M1AP: variants seen among roughly 807,000 people sequenced by gnomAD.
The protein encoded by M1AP is meiosis 1 associated protein, also known as meiosis 1 arrest protein.
M1AP carries 39 observed loss-of-function variants against 51.2 expected under a neutral mutation model. The observed-to-expected ratio is 0.76, with a 90% confidence interval of 0.59 to 1.00. M1AP has a LOEUF of 1.00. Among genes scored for constraint, M1AP ranks in the 50% least tolerant of loss-of-function variants. M1AP has a pLI of 0.00. For synonymous variants in M1AP, 251 were observed against 249.2 expected (o/e 1.01, Z -0.07); for missense variants, 545 against 641.2 (o/e 0.85, Z 1.62).
intron 3 of M1AP, 63 bp downstream of exon 3, chr2:74,614,901 C>A: frequency 7.0e-7 from 1 of 1,422,504 alleles, no homozygotes. Flanking sequence ...AGATGATAAA[C>A]AATGACCTAT....
At chr2:74,607,369 T>A in intron 3 of M1AP, 146 bp from the exon 4 acceptor site, 2 of 754,408 alleles carry the variant, frequency 2.7e-6, no homozygotes, top group Non-Finnish European at 4.3e-6. Flanking sequence ...GGCTGTAACT[T>A]AAAATCAAAT....
intron 2 of M1AP, among the ~76,000 whole-genome samples, chr2:74,617,463 C>T (rs545545943): frequency 6.6e-6 from 1 of 152,058 alleles, no homozygotes; most frequent in Non-Finnish European, 1.5e-5. Flanking sequence ...CTTATAAGTG[C>T]GAGCTAAATG....
chr2:74,602,554 T>G (rs1291959982), intron 4 of M1AP, among the ~76,000 whole-genome samples: 2 of 152,186 alleles, frequency 1.3e-5, no homozygotes, highest in Non-Finnish European at 2.9e-5. Context: ...GCTAGAAAGT[T>G]ATAGAAACTG....
At chr2:74,569,741 T>C (rs1678610805) in intron 7 of M1AP, among the ~76,000 whole-genome samples, 1 of 152,086 alleles carries the variant, frequency 6.6e-6, no homozygotes, top group South Asian at 2.1e-4. Context: ...GTATTTTAAA[T>C]AGGTAGAAAG....
intron 4 of M1AP, among the ~76,000 whole-genome samples, chr2:74,582,519 G>C (rs1404038900): frequency 6.6e-6 from 1 of 152,100 alleles, no homozygotes; most frequent in Non-Finnish European, 1.5e-5. Flanking sequence ...CTGTAGAACA[G>C]ATATAACATG....
At chr2:74,636,683 G>C (rs923762914) in intron 2 of M1AP, among the ~76,000 whole-genome samples, 2 of 151,912 alleles carry the variant, frequency 1.3e-5, no homozygotes, top group African/African-American at 4.8e-5. Context: ...AGAGTCAACT[G>C]GTGTCAACAT....
At chr2:74,628,858 A>AT (rs977400628) in intron 2 of M1AP, 12 of 439,590 alleles carry the variant, frequency 2.7e-5, no homozygotes, top group Non-Finnish European at 5.0e-5. Context: ...TGATTTTTGG[A>AT]TTTTTTTGGT....
At chr2:74,582,721 G>T (rs1306715816) in intron 4 of M1AP, among the ~76,000 whole-genome samples, 5 of 151,960 alleles carry the variant, frequency 3.3e-5, no homozygotes, top group African/African-American at 7.3e-5. Flanking sequence ...TGCATTTCTT[G>T]TGTTAAAAAA....
rs142260852 is a variant in M1AP at position 74,576,566 on chromosome 2, A to G, written c.822T>C (p.Ala274=). Residue 274 remains alanine, a synonymous_variant, in exon 6 of 11, where the codon GCT becomes GCC. Transcript: ENST00000421985. ...QERLLCPSLL[A]GTADGSLRMD... Reference sequence around the variant, plus strand: ...TTCTCAAGGAGCCGTCAGCTGTGCCAGCGAGTAGGGATGGGCAGAGCAGTC... The same window carrying G: ...TTCTCAAGGAGCCGTCAGCTGTGCCGGCGAGTAGGGATGGGCAGAGCAGTC... 9.9e-6 allele frequency: 16 copies of G among 1,614,032 alleles called. No homozygotes were observed. In the African/African-American group the frequency reaches 2.1e-4, roughly 22 times the overall value.
rs188307062 is a variant in M1AP, at chr2:74,638,366, C to T, written c.240+1670G>A. On this transcript the variant is annotated intron_variant, in intron 2 of 10. Coordinates refer to ENST00000421985, the MANE Select transcript of M1AP (RefSeq NM_001321739.2). ...ACCCAGGGGGCTTTGTTCTTTGCTGCGTGATGTCCAGTGTTTTGAAAAGTG... is the reference window on the plus strand; with the variant it reads ...ACCCAGGGGGCTTTGTTCTTTGCTGTGTGATGTCCAGTGTTTTGAAAAGTG... 6.6e-5 allele frequency among the ~76,000 whole-genome samples: 10 copies of T among 152,184 alleles called. No homozygotes were observed. In the East Asian group the frequency reaches 1.2e-3, roughly 18 times the overall value.
chr2:74,640,008 T>C (rs769651093), intron 2 of M1AP, 28 bp downstream of exon 2: 2 of 1,594,432 alleles, frequency 1.3e-6, no homozygotes, highest in East Asian at 4.5e-5. Flanking sequence ...GCTTTCAGGG[T>C]AAAATGAATA....
At chr2:74,648,009 G>A (rs991308436) in intron 1 of M1AP, 1 of 984,970 alleles carries the variant, frequency 1.0e-6, no homozygotes, top group Non-Finnish European at 1.2e-6. Flanking sequence ...CCTCGGGCCT[G>A]GGGGCCCCGC....
chr2:74,592,304 T>C (rs1680093185), intron 4 of M1AP, among the ~76,000 whole-genome samples: 1 of 152,190 alleles, frequency 6.6e-6, no homozygotes, highest in Non-Finnish European at 1.5e-5. Context: ...GCCACTTCTA[T>C]TGGTGTCATA....
intron 4 of M1AP, among the ~76,000 whole-genome samples, chr2:74,599,881 A>C (rs560761127): frequency 6.6e-6 from 1 of 150,888 alleles, no homozygotes; most frequent in South Asian, 2.1e-4. Context: ...CCCAGGCTGG[A>C]GTGCACTGAT....
chr2:74,638,640 C>T (rs1020162011), intron 2 of M1AP, among the ~76,000 whole-genome samples: 1 of 152,164 alleles, frequency 6.6e-6, no homozygotes, highest in African/African-American at 2.4e-5. Flanking sequence ...TCAAGCAGCC[C>T]TTTGGAGAGA....
chr2:74,594,600 A>G (rs553685601), intron 4 of M1AP, among the ~76,000 whole-genome samples: 1 of 152,340 alleles, frequency 6.6e-6, no homozygotes, highest in East Asian at 1.9e-4. Context: ...CAGGCTGGGC[A>G]TGGTGACTCA....
chr2:74,624,767 T>C (rs184880642), intron 2 of M1AP, among the ~76,000 whole-genome samples: 2 of 152,310 alleles, frequency 1.3e-5, no homozygotes, highest in Admixed American at 1.3e-4. Flanking sequence ...TTGTTGATTA[T>C]TGTATTTGAG....
chr2:74,599,238 G>T (rs1014200828), intron 4 of M1AP, among the ~76,000 whole-genome samples: 5 of 152,050 alleles, frequency 3.3e-5, no homozygotes, highest in Admixed American at 6.5e-5. Flanking sequence ...GAGATCATGC[G>T]ACTGCAGTCC....
At chr2:74,637,611 T>C (rs1406752921) in intron 2 of M1AP, among the ~76,000 whole-genome samples, 1 of 152,218 alleles carries the variant, frequency 6.6e-6, no homozygotes, top group East Asian at 1.9e-4. Flanking sequence ...TAGGATCTTG[T>C]GTTTATGTTA....
Sources: allele counts gnomAD v4.1 joint callset (sites outside exome capture counted in the v4.1 genomes callset), GRCh38; gene constraint gnomAD v4.1.1; transcripts MANE v1.5; gene names NCBI Gene and HGNC (gene_info 2026-07-23, HGNC 2026-07-21).